ROBO2: variants seen among roughly 807,000 people sequenced by gnomAD.
ROBO2 encodes roundabout homolog 2.
A neutral mutation model predicts 160.8 loss-of-function variants in ROBO2; 53 were observed. The ratio of observed to expected loss-of-function variants is 0.33; its 90% CI spans 0.26 to 0.41. ROBO2 has a LOEUF of 0.41. Among genes scored for constraint, ROBO2 ranks in the 10% least tolerant of loss-of-function variants. The pLI is 1.00. For missense variants in ROBO2, 1,577 were observed against 1,722.4 expected, an observed-to-expected ratio of 0.92 and a Z score of 1.49; for synonymous variants, 664 against 611.7, an observed-to-expected ratio of 1.09 and a Z score of -1.26.
intron 2 of ROBO2, among the ~76,000 whole-genome samples, chr3:77,382,826 G>A (rs2073683790): frequency 6.6e-6 from 1 of 152,134 alleles, no homozygotes; most frequent in Non-Finnish European, 1.5e-5. Flanking sequence ...TAGTCAATAG[G>A]CATTTAGGTT....
intron 5 of ROBO2, among the ~76,000 whole-genome samples, chr3:77,518,464 G>GT (rs1239464643): frequency 1.3e-5 from 2 of 151,502 alleles, no homozygotes; most frequent in Non-Finnish European, 3.0e-5. Flanking sequence ...AAGTCTGTTT[G>GT]TTTTTAAATT....
intron 2 of ROBO2, among the ~76,000 whole-genome samples, chr3:77,017,340 CA>C (rs2062334140): frequency 6.6e-6 from 1 of 152,078 alleles, no homozygotes; most frequent in Non-Finnish European, 1.5e-5. Context: ...AAAAGAAAGA[CA>C]AAGTAAATAG....
intron 2 of ROBO2, among the ~76,000 whole-genome samples, chr3:77,253,150 T>C (rs1241194484): frequency 6.6e-6 from 1 of 152,058 alleles, no homozygotes; most frequent in Non-Finnish European, 1.5e-5. Context: ...TGCTCATATC[T>C]GATTCTGTAA....
intron 2 of ROBO2, among the ~76,000 whole-genome samples, chr3:76,559,543 T>C (rs1480761987): frequency 1.3e-5 from 2 of 152,126 alleles, no homozygotes; most frequent in Non-Finnish European, 2.9e-5. Context: ...CGAGTCACCA[T>C]TTGGCTGTAA....
chr3:77,631,398 T>A (rs749847082), intron 23 of ROBO2: 1 of 152,194 alleles, frequency 6.6e-6, no homozygotes, highest in South Asian at 2.1e-4. Flanking sequence ...TCTATAGCAT[T>A]TGACTTTCAT....
chr3:77,389,893 TCTC>T (rs2074539659), intron 2 of ROBO2, among the ~76,000 whole-genome samples: 3 of 152,156 alleles, frequency 2.0e-5, no homozygotes, highest in Admixed American at 6.6e-5. Context: ...GCACAGATGT[TCTC>T]CTCCACTGTG....
intron 2 of ROBO2, among the ~76,000 whole-genome samples, chr3:76,501,338 G>T (rs2107642112): frequency 6.6e-6 from 1 of 152,280 alleles, no homozygotes; most frequent in South Asian, 2.1e-4. Flanking sequence ...AAATACTCCA[G>T]TAATGATAAA....
At chr3:76,512,649 C>G (rs1339732281) in intron 2 of ROBO2, among the ~76,000 whole-genome samples, 2 of 152,032 alleles carry the variant, frequency 1.3e-5, no homozygotes, top group Admixed American at 6.6e-5. Context: ...TGGTGCCTTT[C>G]CTTTCTGATT....
chr3:76,479,263 A>G (rs2079089452), intron 2 of ROBO2, among the ~76,000 whole-genome samples: 1 of 152,192 alleles, frequency 6.6e-6, no homozygotes, highest in Admixed American at 6.6e-5. Context: ...AAAATGGTTC[A>G]TAAAATATTG....
intron 2 of ROBO2, among the ~76,000 whole-genome samples, chr3:77,028,553 T>TA (rs990007993): frequency 5.3e-4 from 81 of 151,508 alleles, no homozygotes; most frequent in African/African-American, 1.2e-3. Flanking sequence ...CTGTCTCTAA[T>TA]AAAAAAAATA....
At chr3:76,035,043 C>CAAA (rs2067059463) in intron 2 of ROBO2, among the ~76,000 whole-genome samples, 4 of 151,974 alleles carry the variant, frequency 2.6e-5, no homozygotes, top group Non-Finnish European at 5.9e-5. Flanking sequence ...TCTTTATAAT[C>CAAA]GCCTCCTCTT....
At chr3:76,012,540 T>G (rs917559709) in intron 2 of ROBO2, among the ~76,000 whole-genome samples, 2 of 152,212 alleles carry the variant, frequency 1.3e-5, no homozygotes, top group African/African-American at 4.8e-5. Context: ...GCAATATATT[T>G]GGCTAATTTT....
intron 2 of ROBO2, among the ~76,000 whole-genome samples, chr3:77,193,448 G>GTTTTTTTTTTTT (rs552295952): frequency 8.2e-6 from 1 of 121,612 alleles, no homozygotes; most frequent in South Asian, 2.7e-4. Flanking sequence ...GCCCAGCTAA[G>GTTTTTTTTTTTT]TTTTTTTTTT....
At chr3:76,378,904 G>A (rs1014155540) in intron 2 of ROBO2, among the ~76,000 whole-genome samples, 12 of 152,184 alleles carry the variant, frequency 7.9e-5, no homozygotes, top group African/African-American at 2.2e-4. Context: ...TGCAGCAAAC[G>A]CTGCTGAAGA....
At chr3:76,321,200 G>A (rs1407695506) in intron 2 of ROBO2, among the ~76,000 whole-genome samples, 1 of 152,102 alleles carries the variant, frequency 6.6e-6, no homozygotes, top group Non-Finnish European at 1.5e-5. Context: ...AATGATAACT[G>A]CAAATGAGCA....
At chr3:77,540,575 T>A (rs1324627668) in intron 6 of ROBO2, among the ~76,000 whole-genome samples, 1 of 126,972 alleles carries the variant, frequency 7.9e-6, no homozygotes, top group Non-Finnish European at 1.7e-5. Flanking sequence ...TCGGGGGCAG[T>A]GGGGGCGCGC....
At chr3:77,255,101 A>G (rs2090783486) in intron 2 of ROBO2, among the ~76,000 whole-genome samples, 2 of 152,204 alleles carry the variant, frequency 1.3e-5, no homozygotes, top group Non-Finnish European at 2.9e-5. Flanking sequence ...AACACTGGGG[A>G]GACTGGATTT....
intron 2 of ROBO2, among the ~76,000 whole-genome samples, chr3:77,237,493 G>A (rs1002059559): frequency 6.8e-6 from 1 of 147,604 alleles, no homozygotes; most frequent in Non-Finnish European, 1.5e-5. Flanking sequence ...TTGAACTCGT[G>A]ATCTCCAATG....
chr3:76,027,739 C>T (rs770136146), intron 2 of ROBO2, among the ~76,000 whole-genome samples: 1 of 151,914 alleles, frequency 6.6e-6, no homozygotes, highest in East Asian at 1.9e-4. Context: ...TGGTAACTTA[C>T]AGGACACCCA....
Sources: allele counts gnomAD v4.1 joint callset (sites outside exome capture counted in the v4.1 genomes callset), GRCh38; gene constraint gnomAD v4.1.1; transcripts MANE v1.5; gene names NCBI Gene and HGNC (gene_info 2026-07-23, HGNC 2026-07-21).